The following ZBTB46 variants were observed in gnomAD, a reference collection of about 807,000 sequenced individuals.
ZBTB46 encodes the protein zinc finger and BTB domain-containing protein 46.
In ZBTB46, 8 loss-of-function variants were observed where a neutral mutation model predicts 44.1. The observed-to-expected ratio is 0.18, with a 90% CI of 0.11 to 0.33. ZBTB46 has a LOEUF of 0.33. ZBTB46 is among the 10% of genes least tolerant of loss of function. The probability of loss-of-function intolerance (pLI) is 1.00; values close to 1 mark genes in which losing one functional copy is unlikely to be tolerated. For synonymous variants in ZBTB46, 409 were observed against 382.3 expected (o/e 1.07, Z -0.81); for missense variants, 651 against 847.7 (o/e 0.77, Z 2.88).
chr20:63,831,436 C>T (rs1289577672), upstream of ZBTB46, among the ~76,000 whole-genome samples: 2 of 144,190 alleles, frequency 1.4e-5, no homozygotes, highest in African/African-American at 5.0e-5. Context: ...GGCCGCCGGC[C>T]CCGCCCCTCG....
chr20:63,746,638 A>G lies in ZBTB46; in HGVS notation c.*292T>C, dbSNP rs2145738277. On this transcript the variant is annotated 3_prime_UTR_variant, in exon 5 of 5. Transcript: ENST00000245663. ...AGCCAGGCTGGCCATCACAGGGGCC[A>G]CTCACACACCCGCACCACCTGCTGG... is the stretch of plus-strand genomic sequence containing the variant. 1 of 387,496 alleles carries G rather than the reference A, an allele frequency of 2.6e-6. No individual in the cohort carries two copies. Among genetic ancestry groups the G allele is most frequent in the East Asian group, 4.2e-5 (1 of 23,792 alleles). 24.0% of individuals were successfully genotyped at this position (387,496 alleles called of 1,614,324 possible). A position where few individuals can be genotyped will look rare whatever the true frequency, so the allele number is the denominator to read the frequency against.
chr20:63,820,809 A>G (rs1159976549), intron 1 of ZBTB46, among the ~76,000 whole-genome samples: 1 of 151,840 alleles, frequency 6.6e-6, no homozygotes, highest in African/African-American at 2.4e-5. Flanking sequence ...GCTCACTGCA[A>G]TCTCTGCTTC....
At chr20:63,809,961 C>T (rs200197951) in intron 1 of ZBTB46, among the ~76,000 whole-genome samples, 1 of 135,984 alleles carries the variant, frequency 7.4e-6, no homozygotes, top group Non-Finnish European at 1.6e-5. Flanking sequence ...GGCCCTCTCT[C>T]AAAAAAAAAA....
In ZBTB46 at chr20:63,786,701, G is replaced by A. The variant is rs546671796; in HGVS notation, c.937+3120C>T. On this transcript the variant is annotated intron_variant, in intron 2 of 4. Coordinates refer to ENST00000245663, the MANE Select transcript of ZBTB46 (RefSeq NM_001369741.1). The stretch of plus-strand genomic sequence containing the variant: ...TAACTTTTGTATATTTAGTAGAGAC[G>A]GGGTTTCACCATGTTGGCCACGATG... Among the ~76,000 whole-genome samples the A allele has an allele frequency of 6.2e-4, 95 of 152,160 alleles. 2 individuals carry two copies. The South Asian group carries it at 0.015, about 24-fold the overall frequency.
chr20:63,785,241 A>G (rs1349446527), intron 2 of ZBTB46, among the ~76,000 whole-genome samples: 1 of 42,256 alleles, frequency 2.4e-5, no homozygotes, highest in Non-Finnish European at 5.3e-5. Context: ...AAAAAAAAAG[A>G]AAAGAAAAGA....
intron 1 of ZBTB46, among the ~76,000 whole-genome samples, chr20:63,802,882 C>T (rs924715870): frequency 1.3e-5 from 2 of 152,148 alleles, no homozygotes; most frequent in Non-Finnish European, 2.9e-5. Flanking sequence ...TCCCAGGAAC[C>T]GCGGCGGGCT....
intron 1 of ZBTB46, among the ~76,000 whole-genome samples, chr20:63,801,140 AGT>A (rs2092641324): frequency 6.6e-6 from 1 of 152,188 alleles, no homozygotes; most frequent in African/African-American, 2.4e-5. Context: ...TGCACCAATC[AGT>A]GCTCTGTGTC....
At chr20:63,780,828 C>A (rs2092463703) in intron 2 of ZBTB46, among the ~76,000 whole-genome samples, 1 of 150,646 alleles carries the variant, frequency 6.6e-6, no homozygotes, top group Admixed American at 6.6e-5. Context: ...CCTGAAGAGA[C>A]ACTGTTAAAT....
intron 2 of ZBTB46, among the ~76,000 whole-genome samples, chr20:63,783,545 C>T (rs780567966): frequency 6.6e-6 from 1 of 152,200 alleles, no homozygotes; most frequent in Admixed American, 6.6e-5. Flanking sequence ...TCTCTGTCCC[C>T]GTCACCAGCT....
intron 1 of ZBTB46, among the ~76,000 whole-genome samples, chr20:63,800,149 T>C (rs2092632446): frequency 6.6e-6 from 1 of 152,174 alleles, no homozygotes; most frequent in Non-Finnish European, 1.5e-5. Context: ...CTCGGCACCC[T>C]GGGGCACCTC....
At chr20:63,814,700 C>T (rs1227770576) in intron 1 of ZBTB46, among the ~76,000 whole-genome samples, 2 of 152,320 alleles carry the variant, frequency 1.3e-5, no homozygotes, top group African/African-American at 2.4e-5. Flanking sequence ...ATGTCCACAT[C>T]GCACCATGGC....
chr20:63,755,173 T>A (rs937494216), intron 3 of ZBTB46, among the ~76,000 whole-genome samples: 1 of 152,232 alleles, frequency 6.6e-6, no homozygotes, highest in African/African-American at 2.4e-5. Context: ...CACCTGCATG[T>A]GCTGAAGCTG....
chr20:63,806,054 C>T (rs1383360642), intron 1 of ZBTB46, among the ~76,000 whole-genome samples: 2 of 151,606 alleles, frequency 1.3e-5, no homozygotes, highest in East Asian at 3.9e-4. Flanking sequence ...GGATTACACG[C>T]ATGAGCCACC....
At chr20:63,776,861 C>T (rs2092429979) in intron 2 of ZBTB46, among the ~76,000 whole-genome samples, 1 of 151,000 alleles carries the variant, frequency 6.6e-6, no homozygotes, top group Non-Finnish European at 1.5e-5. Context: ...AATACTGTAA[C>T]TCAATATAAA....
rs2092416744 is a variant in ZBTB46, at chr20:63,775,459, C to T, written c.1222+219G>A. 9.8e-6 allele frequency: 5 copies of T among 507,626 alleles called. No individual in the cohort carries two copies. In the South Asian group the frequency reaches 1.7e-4, roughly 17 times the overall value. 31.4% of individuals were successfully genotyped at this position (507,626 alleles called of 1,614,324 possible). A position where few individuals can be genotyped will look rare whatever the true frequency, so the allele number is the denominator to read the frequency against. Reference sequence around the variant, plus strand: ...CTCCCCTGCCCGCCGCGCTCACAACCGCGTCCATTCCCTCCTCACTCTAAA... The same window carrying T: ...CTCCCCTGCCCGCCGCGCTCACAACTGCGTCCATTCCCTCCTCACTCTAAA... On this transcript the variant is annotated intron_variant, in intron 3 of 4. Coordinates refer to ENST00000245663, the MANE Select transcript of ZBTB46 (RefSeq NM_001369741.1).
chr20:63,822,495 T>A (rs1006740813), intron 1 of ZBTB46, among the ~76,000 whole-genome samples: 1 of 152,126 alleles, frequency 6.6e-6, no homozygotes, highest in Non-Finnish European at 1.5e-5. Flanking sequence ...TTCAGTACAA[T>A]GGGTTCCGTG....
rs746524875 is a variant in ZBTB46 at position 63,790,412 on chromosome 20, C to A, written c.346G>T (p.Asp116Tyr). Residue 116 changes from aspartate (D) to tyrosine (Y), a missense_variant, in exon 2 of 5, where the codon GAC becomes TAC. Around this residue, in one of 5 missense-constraint regions of ZBTB46, gnomAD observed 65 missense variants for 167.9 expected, o/e 0.39. Coordinates refer to ENST00000245663, the MANE Select transcript of ZBTB46 (RefSeq NM_001369741.1). ...AAGTCGTGGCAGGCTTGCACGATGT[C>A]CGTCATCTGCAGGAAGCTGGCGGCT... The part of the protein sequence containing the change: ...MSAASFLQMT[D>Y]IVQACHDFIK... The A allele has an allele frequency of 1.8e-5, 29 of 1,612,954 alleles. No individual in the cohort carries two copies. The highest frequency in any genetic ancestry group is 1.7e-6 in the Non-Finnish European group (2 of 1,180,012).
intron 1 of ZBTB46, among the ~76,000 whole-genome samples, chr20:63,821,435 G>A (rs2092791689): frequency 7.2e-6 from 1 of 139,108 alleles, no homozygotes; most frequent in Non-Finnish European, 1.5e-5. Flanking sequence ...CTACAAGCAG[G>A]CACGCTTTTT....
At position 63,744,227 on chromosome 20, in the gene ZBTB46, T is replaced by A. The variant is rs1399983972; in HGVS notation, c.*2703A>T. ...TTGCAAAAAGTTCCAGTTTTTGCAT[T>A]TTCTCAGTTTTTTAAAGAGGAAGAT... is the stretch of plus-strand genomic sequence containing the variant. On this transcript the variant is annotated 3_prime_UTR_variant, in exon 5 of 5. Coordinates refer to ENST00000245663, the MANE Select transcript of ZBTB46 (RefSeq NM_001369741.1). The A allele has an allele frequency of 1.3e-5, 2 of 152,150 alleles. No homozygotes were observed. The highest frequency in any genetic ancestry group is 2.4e-5 in the African/African-American group (1 of 41,426). The allele number at this position is 152,150 out of a possible 1,614,324, so 9.4% of individuals were successfully genotyped here. A position where few individuals can be genotyped will look rare whatever the true frequency, so the allele number is the denominator to read the frequency against.
Sources: allele counts gnomAD v4.1 joint callset (sites outside exome capture counted in the v4.1 genomes callset), GRCh38; gene constraint gnomAD v4.1.1; regional missense constraint gnomAD v4.1.1; transcripts MANE v1.5; gene names NCBI Gene and HGNC (gene_info 2026-07-23, HGNC 2026-07-21).